DUS1L: variants seen among roughly 807,000 people sequenced by gnomAD.
DUS1L encodes the protein dihydrouridine synthase 1 like.
DUS1L carries 56 observed loss-of-function variants against 61.2 expected under a neutral mutation model. That is an observed-to-expected ratio of 0.92 (90% CI 0.74 to 1.14). The LOEUF is 1.14. Among genes scored for constraint, DUS1L ranks in the 50% most tolerant of loss-of-function variants. The pLI is 0.00. For missense variants in DUS1L, 630 were observed against 632.4 expected, an observed-to-expected ratio of 1.00 and a Z score of 0.04; for synonymous variants, 278 against 259.5, an observed-to-expected ratio of 1.07 and a Z score of -0.69.
rs766697146 is a variant in DUS1L, at chr17:82,058,152, C to G, written c.1385G>C (p.Gly462Ala). ...ACTGCCCATGACTTCGGAGAAGCCA[C>G]CTGGTGTTCCAGGTGCTGCTGGCTG... Reference protein sequence around the residue: ...EPQPAAPGTPGGFSEVMGSAL... With the variant: ...EPQPAAPGTPAGFSEVMGSAL... The change falls in exon 14 of 14, where the codon GGT becomes GCT. Residue 462 changes from glycine to alanine, a missense_variant. Gly to Ala is a moderately conservative substitution (Grantham distance 60). Transcript: ENST00000306796. 62 of 1,594,818 alleles carry G rather than the reference C, an allele frequency of 3.9e-5. 1 individual carries two copies. In the African/African-American group the frequency reaches 5.2e-4, roughly 13 times the overall value.
chr17:82,063,154 ACC>A (rs914693908), intron 4 of DUS1L, 181 bp from the exon 5 acceptor site: 4 of 641,476 alleles, frequency 6.2e-6, no homozygotes, highest in African/African-American at 5.5e-5. Context: ...CCTCCGCCAT[ACC>A]CCCGGCCCTC....
chr17:82,064,796 G>A, intron 2 of DUS1L, 27 bp downstream of exon 2: 3 of 1,583,374 alleles, frequency 1.9e-6, no homozygotes, highest in Non-Finnish European at 2.6e-6. Flanking sequence ...CCCAACCGCG[G>A]CCGCGGCCAC....
rs1568091996 is a variant in DUS1L, at chr17:82,063,459, C to T, written c.397+9G>A. ...TGGGGGTCCTTCACCATCCACCCAGCCAACTCACTCATTCTTTGGAGCAGG... is the reference window on the plus strand; with the variant it reads ...TGGGGGTCCTTCACCATCCACCCAGTCAACTCACTCATTCTTTGGAGCAGG... On this transcript the variant is annotated intron_variant, in intron 4 of 13. Transcript: ENST00000306796. 1 of 1,613,814 alleles carries T rather than the reference C, an allele frequency of 6.2e-7. No individual in the cohort carries two copies. The highest frequency in any genetic ancestry group is 2.2e-5 in the East Asian group (1 of 44,890).
At chr17:82,059,621 A>G in intron 11 of DUS1L, 1 of 343,148 alleles carries the variant, frequency 2.9e-6, no homozygotes, top group Non-Finnish European at 5.4e-6. Flanking sequence ...GCAGCTGCTC[A>G]GGTGTCCTGT....
At chr17:82,058,975 C>A (rs1219221739) in intron 11 of DUS1L, 157 bp from the exon 12 acceptor site, 5 of 680,404 alleles carry the variant, frequency 7.3e-6, no homozygotes, top group Non-Finnish European at 1.3e-5. Flanking sequence ...TGCAGGCTGG[C>A]CACGTCTGCT....
In DUS1L at chr17:82,058,462, G is replaced by A. The variant is rs749730139; in HGVS notation, c.1207-46C>T. ...GAGCCTGTGGCCAGCACCACTCCCGGGGCCAGGCTGGCCAGCAGGGGAGCA... is the reference window on the plus strand; with the variant it reads ...GAGCCTGTGGCCAGCACCACTCCCGAGGCCAGGCTGGCCAGCAGGGGAGCA... On this transcript the variant is annotated intron_variant, in intron 12 of 13. Transcript: ENST00000306796. 13 of 1,478,176 alleles carry A rather than the reference G, an allele frequency of 8.8e-6. No individual in the cohort carries two copies. The African/African-American group carries it at 1.8e-4, about 21-fold the overall frequency. 91.6% of individuals were successfully genotyped at this position (1,478,176 alleles called of 1,614,324 possible).
At chr17:82,060,641 G>A in intron 10 of DUS1L, 60 bp downstream of exon 10, 3 of 1,574,528 alleles carry the variant, frequency 1.9e-6, no homozygotes, top group Middle Eastern at 1.8e-4. Flanking sequence ...AGCACTGTGG[G>A]CACAGGGTGG....
intron 6 of DUS1L, 83 bp downstream of exon 6, chr17:82,061,818 C>G: frequency 7.5e-6 from 12 of 1,590,378 alleles, no homozygotes; most frequent in Non-Finnish European, 1.0e-5. Flanking sequence ...GGGCGTCAGG[C>G]GTGCCGAGCA....
rs773527349 is a variant in DUS1L at position 82,062,772 on chromosome 17, G to A, written c.510+89C>T. On this transcript the variant is annotated intron_variant, in intron 5 of 13. Transcript: ENST00000306796. ...TGCCCCCATGAGGCCGACGGTGCAC[G>A]GTGTCTGGACACAGGAAGAGCCTCA... The A allele has an allele frequency of 9.4e-4, 1,131 of 1,199,092 alleles. 3 individuals carry two copies. Among genetic ancestry groups the A allele is most frequent in the Non-Finnish European group, 1.1e-3 (872 of 826,132 alleles). 74.3% of individuals were successfully genotyped at this position (1,199,092 alleles called of 1,614,324 possible).
chr17:82,060,612 G>T (rs546159582), intron 10 of DUS1L, 89 bp downstream of exon 10: 1 of 1,490,000 alleles, frequency 6.7e-7, no homozygotes, highest in African/African-American at 1.4e-5. Context: ...TAATGGCTGA[G>T]GACAAGCAGG....
At position 82,059,876 on chromosome 17, in the gene DUS1L, T is replaced by C; in HGVS notation, c.1168+72A>G. 4 of 1,593,476 alleles carry C rather than the reference T, an allele frequency of 2.5e-6. No homozygotes were observed. The South Asian group carries it at 3.4e-5, about 13-fold the overall frequency. On this transcript the variant is annotated intron_variant, in intron 11 of 13. Coordinates refer to ENST00000306796, the MANE Select transcript of DUS1L (RefSeq NM_022156.5). ...CTTGCTGACCACAAGTCTGGGTTCCTGTTACTGGCAACAGGGAGGATGGGG... is the reference window on the plus strand; with the variant it reads ...CTTGCTGACCACAAGTCTGGGTTCCCGTTACTGGCAACAGGGAGGATGGGG...
In DUS1L at chr17:82,060,761, C is replaced by CCCTCCTGCCTGGATATCT; in HGVS notation, c.944_961dup (p.Glu315_Glu320dup). ...GGGCAAGTCGCCGGTGGGCTTCGCTCCCTCCTGCCTGGATATCTCCTCCTG... is the reference window on the plus strand; with the variant it reads ...GGGCAAGTCGCCGGTGGGCTTCGCTCCCTCCTGCCTGGATATCTCCTCCTGCCTGGATATCTCCTCCTG... On this transcript the variant is annotated inframe_insertion, in exon 10 of 14. Transcript: ENST00000306796. 15 of 1,612,688 alleles carry CCCTCCTGCCTGGATATCT rather than the reference C, an allele frequency of 9.3e-6. No homozygotes were observed. Among genetic ancestry groups the CCCTCCTGCCTGGATATCT allele is most frequent in the Admixed American group, 3.3e-5 (2 of 59,970 alleles).
At chr17:82,058,637 C>G in intron 12 of DUS1L, 144 bp downstream of exon 12, 1 of 1,519,016 alleles carries the variant, frequency 6.6e-7, no homozygotes, top group Non-Finnish European at 8.8e-7. Context: ...AGCAAGGGGC[C>G]GTCCTGAGGC....
intron 11 of DUS1L, 47 bp downstream of exon 11, chr17:82,059,901 G>A: frequency 6.2e-7 from 1 of 1,610,188 alleles, no homozygotes; most frequent in Non-Finnish European, 8.5e-7. Flanking sequence ...GGAGGATGGG[G>A]GTGATGAAGA....
chr17:82,060,215 G>T, intron 10 of DUS1L, 122 bp from the exon 11 acceptor site: 3 of 1,319,086 alleles, frequency 2.3e-6, no homozygotes, highest in Non-Finnish European at 3.1e-6. Context: ...CTGCTGTGAG[G>T]AGTGCCCTCC....
In DUS1L at chr17:82,064,901, G is replaced by T; in HGVS notation, c.159C>A (p.Val53=). The change falls in exon 2 of 14, where the codon GTC becomes GTA. Residue 53 remains valine (V), a synonymous_variant. Coordinates refer to ENST00000306796, the MANE Select transcript of DUS1L (RefSeq NM_022156.5). The part of the protein sequence containing the change: ...LCYTPMLHAQ[V]FVRDANYRKE... Reference sequence around the variant, plus strand: ...TCCGGTAGTTGGCGTCGCGGACAAAGACCTGGGCATGCAGCATGGGCGTGT... The same window carrying T: ...TCCGGTAGTTGGCGTCGCGGACAAATACCTGGGCATGCAGCATGGGCGTGT... The T allele has an allele frequency of 6.2e-7, 1 of 1,612,784 alleles. No individual in the cohort carries two copies. The highest frequency in any genetic ancestry group is 8.5e-7 in the Non-Finnish European group (1 of 1,179,888).
rs11542332 is a variant in DUS1L at position 82,062,936 on chromosome 17, C to T, written c.435G>A (p.Thr145=). The change falls in exon 5 of 14, where the codon ACG becomes ACA. Residue 145 remains threonine, a synonymous_variant. Coordinates refer to ENST00000306796, the MANE Select transcript of DUS1L (RefSeq NM_022156.5). ...TCTCCGGGAAGACACGGATTTTGCA[C>T]GTGACAGGAACAGAGAGTTTCTCGT... ...LAHEKLSVPV[T]CKIRVFPEID... is the part of the protein sequence containing the mutation. The T allele has an allele frequency of 0.066, 106,042 of 1,612,884 alleles. 5,097 individuals are homozygous for T. The highest frequency in any genetic ancestry group is 0.23 in the African/African-American group (17,400 of 75,002).
At position 82,059,341 on chromosome 17, in the gene DUS1L, G is replaced by A. The variant is rs570092122; in HGVS notation, c.1169-523C>T. ...GGCAGCTGCTCTTGGACTGGCCAGC[G>A]CCCTGGGGGTTACATGGGAAGGTTT... On this transcript the variant is annotated intron_variant, in intron 11 of 13. Transcript: ENST00000306796. The A allele has an allele frequency of 3.1e-3, 533 of 172,820 alleles. 3 individuals carry two copies. The highest frequency in any genetic ancestry group is 4.6e-3 in the Non-Finnish European group (363 of 79,186). 10.7% of individuals were successfully genotyped at this position (172,820 alleles called of 1,614,324 possible).
intron 4 of DUS1L, 21 bp from the exon 5 acceptor site, chr17:82,062,994 T>C (rs775667835): frequency 3.1e-6 from 5 of 1,596,086 alleles, no homozygotes; most frequent in Non-Finnish European, 4.3e-6. Flanking sequence ...GAGAGGCAGC[T>C]TCTGAGGGGG....
Sources: gnomAD v4.1 joint callset for allele counts on GRCh38, gnomAD v4.1.1 for gene constraint, MANE v1.5 for transcripts, NCBI Gene and HGNC (gene_info 2026-07-23, HGNC 2026-07-21) for gene names.